The following SOX5 variants were observed in gnomAD, a reference collection of about 807,000 sequenced individuals.
SOX5 encodes the protein transcription factor SOX-5.
In SOX5, 9 loss-of-function variants were observed where a neutral mutation model predicts 92.0. The ratio of observed to expected loss-of-function variants is 0.10; its 90% CI spans 0.06 to 0.17. The LOEUF is 0.17. Ranked by LOEUF, SOX5 falls within the 10% of genes least tolerant of loss-of-function variation. SOX5 has a pLI of 1.00. For synonymous variants in SOX5, 344 were observed against 336.3 expected, an observed-to-expected ratio of 1.02 and a Z score of -0.25; for missense variants, 642 against 944.5, an observed-to-expected ratio of 0.68 and a Z score of 4.20.
chr12:24,518,053 A>G (rs1188616935), intron 1 of SOX5, among the ~76,000 whole-genome samples: 4 of 145,116 alleles, frequency 2.8e-5, no homozygotes, highest in Non-Finnish European at 5.9e-5. Flanking sequence ...ATTAATCAAA[A>G]ATTTTATTAA....
At chr12:24,289,665 C>T (rs1016283840) in intron 2 of SOX5, among the ~76,000 whole-genome samples, 4 of 123,224 alleles carry the variant, frequency 3.2e-5, no homozygotes, top group South Asian at 2.4e-4. Context: ...CCGTTTTAGC[C>T]GGGATGGTCT....
At chr12:23,598,134 T>G (rs1952774144) in intron 9 of SOX5, among the ~76,000 whole-genome samples, 1 of 152,162 alleles carries the variant, frequency 6.6e-6, no homozygotes, top group Non-Finnish European at 1.5e-5. Flanking sequence ...ATTTGAGATT[T>G]TGACCTGAAA....
chr12:24,379,652 A>G (rs1001800468), intron 1 of SOX5, among the ~76,000 whole-genome samples: 2 of 152,190 alleles, frequency 1.3e-5, no homozygotes, highest in Non-Finnish European at 2.9e-5. Context: ...AAAGTGACAC[A>G]GAGACAAGAG....
intron 2 of SOX5, among the ~76,000 whole-genome samples, chr12:23,855,885 C>A (rs1595083894): frequency 6.6e-6 from 1 of 152,068 alleles, no homozygotes. Flanking sequence ...CCACACTAGT[C>A]TTCCCTTTAA....
intron 3 of SOX5, among the ~76,000 whole-genome samples, chr12:24,273,256 C>G (rs1338821859): frequency 6.6e-6 from 1 of 151,922 alleles, no homozygotes; most frequent in African/African-American, 2.4e-5. Flanking sequence ...GAGACGCGGT[C>G]TCAAAAAAAA....
chr12:24,200,020 TG>T (rs1306865272), intron 4 of SOX5, among the ~76,000 whole-genome samples: 2 of 152,116 alleles, frequency 1.3e-5, no homozygotes, highest in Admixed American at 1.3e-4. Context: ...AGTGTAAAAC[TG>T]GGGGAAAAAT....
At chr12:24,099,183 T>C (rs944349555) in intron 4 of SOX5, among the ~76,000 whole-genome samples, 3 of 152,176 alleles carry the variant, frequency 2.0e-5, no homozygotes, top group Middle Eastern at 3.2e-3. Context: ...ACCTTCCAGT[T>C]GTGACATTTA....
intron 6 of SOX5, among the ~76,000 whole-genome samples, chr12:23,675,155 T>C (rs2085458483): frequency 6.6e-6 from 1 of 152,214 alleles, no homozygotes; most frequent in Admixed American, 6.5e-5. Flanking sequence ...CCCAAATATC[T>C]TGACGTTGAC....
At chr12:24,369,065 T>C (rs1381149415) in intron 1 of SOX5, among the ~76,000 whole-genome samples, 1 of 152,210 alleles carries the variant, frequency 6.6e-6, no homozygotes, top group Admixed American at 6.5e-5. Flanking sequence ...TTTCTAATAA[T>C]GTTGTTCAAA....
intron 2 of SOX5, among the ~76,000 whole-genome samples, chr12:24,359,596 T>C (rs1401746136): frequency 6.6e-6 from 1 of 152,256 alleles, no homozygotes; most frequent in African/African-American, 2.4e-5. Flanking sequence ...CCAAAAACTG[T>C]ACTCTTTCTA....
At chr12:24,175,379 G>T (rs530072365) in intron 4 of SOX5, among the ~76,000 whole-genome samples, 43 of 152,312 alleles carry the variant, frequency 2.8e-4, no homozygotes, top group Non-Finnish European at 5.7e-4. Flanking sequence ...GATATTTGGG[G>T]TGACAGTGTT....
chr12:24,451,081 A>G (rs1372758832), intron 1 of SOX5, among the ~76,000 whole-genome samples: 2 of 152,182 alleles, frequency 1.3e-5, no homozygotes, highest in Non-Finnish European at 2.9e-5. Context: ...TTCACTTAAC[A>G]TAATGACCTC....
At chr12:23,665,658 T>C in intron 6 of SOX5, 94 bp from the exon 7 acceptor site, 1 of 1,419,344 alleles carries the variant, frequency 7.0e-7, no homozygotes, top group South Asian at 1.4e-5. Flanking sequence ...GAAAATCATT[T>C]ATTCAATTCA....
At chr12:24,153,902 A>C (rs1951906509) in intron 4 of SOX5, among the ~76,000 whole-genome samples, 1 of 152,032 alleles carries the variant, frequency 6.6e-6, no homozygotes, top group Non-Finnish European at 1.5e-5. Flanking sequence ...AACCCCACTC[A>C]ATACGTGTTT....
At chr12:23,858,238 T>C (rs945872994) in intron 2 of SOX5, among the ~76,000 whole-genome samples, 2 of 152,060 alleles carry the variant, frequency 1.3e-5, no homozygotes, top group African/African-American at 4.8e-5. Context: ...CAAAAGAAAC[T>C]ATCAACACAG....
chr12:23,840,608 A>G (rs570862049), intron 3 of SOX5, among the ~76,000 whole-genome samples: 2 of 152,308 alleles, frequency 1.3e-5, no homozygotes, highest in South Asian at 4.1e-4. Context: ...TAATCAAGAC[A>G]GGATGATACT....
At chr12:24,499,946 T>C (rs936538587) in intron 1 of SOX5, among the ~76,000 whole-genome samples, 10 of 152,250 alleles carry the variant, frequency 6.6e-5, no homozygotes, top group African/African-American at 2.4e-4. Flanking sequence ...TTTTATTATA[T>C]CAAACCACCC....
chr12:24,003,343 T>C (rs1236949456), intron 4 of SOX5, among the ~76,000 whole-genome samples: 1 of 151,928 alleles, frequency 6.6e-6, no homozygotes, highest in Admixed American at 6.6e-5. Context: ...AAGTCATCCA[T>C]CTTACTGGAA....
chr12:23,554,624 C>T (rs1207056274), intron 11 of SOX5, among the ~76,000 whole-genome samples: 1 of 152,040 alleles, frequency 6.6e-6, no homozygotes, highest in African/African-American at 2.4e-5. Flanking sequence ...GAAGGGAAAG[C>T]CATGAGAAAA....
Sources: gnomAD v4.1 joint callset for allele counts (sites outside exome capture counted in the v4.1 genomes callset) on GRCh38, gnomAD v4.1.1 for gene constraint, MANE v1.5 for transcripts, NCBI Gene and HGNC (gene_info 2026-07-23, HGNC 2026-07-21) for gene names.